TMEM87B: variants seen among roughly 807,000 people sequenced by gnomAD.
The protein encoded by TMEM87B is transmembrane protein 87B.
A neutral mutation model predicts 80.3 loss-of-function variants in TMEM87B; 83 were observed. That is an observed-to-expected ratio of 1.03 (90% CI 0.87 to 1.24). The LOEUF is 1.24. Among genes scored for constraint, TMEM87B ranks in the 50% most tolerant of loss-of-function variants. The pLI is 0.00. For missense variants in TMEM87B, 625 were observed against 674.4 expected (o/e 0.93, Z 0.81); for synonymous variants, 219 against 230.5 (o/e 0.95, Z 0.45).
At chr2:112,078,687 C>T (rs1240143573) in intron 6 of TMEM87B, among the ~76,000 whole-genome samples, 1 of 152,176 alleles carries the variant, frequency 6.6e-6, no homozygotes, top group East Asian at 1.9e-4. Flanking sequence ...AGTTTTGAGC[C>T]CCTGCTAATT....
chr2:112,098,958 G>T (rs538909578), intron 14 of TMEM87B, among the ~76,000 whole-genome samples: 1 of 152,212 alleles, frequency 6.6e-6, no homozygotes, highest in Non-Finnish European at 1.5e-5. Flanking sequence ...ATAGGATAGC[G>T]AATGACTGAA....
rs70962982 is a variant in TMEM87B, at chr2:112,076,842, TTGTGTGTGTGTGTGTGTG to T, written c.502-320_502-303del. 8.3e-3 allele frequency among the ~76,000 whole-genome samples: 1,157 copies of T among 139,252 alleles called. 14 individuals carry two copies. The highest frequency in any genetic ancestry group is 0.024 in the East Asian group (116 of 4,888). The allele number at this position is 139,252 out of a possible 152,430, so 91.4% of individuals were successfully genotyped here. ...CACTACCTGCCATTCCTTTTCTGTT[TTGTGTGTGTGTGTGTGTG>T]TGTGTGTGTGTGTGTGTGTGTGTGT... On this transcript the variant is annotated intron_variant, in intron 5 of 18. Coordinates refer to ENST00000283206, the MANE Select transcript of TMEM87B (RefSeq NM_032824.3).
chr2:112,079,164 G>A (rs944058751), intron 6 of TMEM87B, among the ~76,000 whole-genome samples: 1 of 152,078 alleles, frequency 6.6e-6, no homozygotes, highest in African/African-American at 2.4e-5. Flanking sequence ...GAAACATACA[G>A]TACTCTGTTA....
At chr2:112,073,142 C>T (rs1207732453) in intron 4 of TMEM87B, among the ~76,000 whole-genome samples, 5 of 152,010 alleles carry the variant, frequency 3.3e-5, no homozygotes. Context: ...TCAGATGATC[C>T]ACCCGCCTCA....
Position 112,117,341 on chromosome 2 carries a change from T to C in TMEM87B, c.*1198T>C, listed in dbSNP as rs1322109676. The C allele has an allele frequency of 3.3e-5, 5 of 152,208 alleles. No individual in the cohort carries two copies. Among genetic ancestry groups the C allele is most frequent in the Non-Finnish European group, 7.4e-5 (5 of 68,024 alleles). 9.4% of individuals were successfully genotyped at this position (152,208 alleles called of 1,614,324 possible). ...TTTGAAGGAGTTCTAACCTTGTAAA[T>C]TGAGAATGACTTCAGAGAATTTTGA... On this transcript the variant is annotated 3_prime_UTR_variant, in exon 19 of 19. Coordinates refer to ENST00000283206, the MANE Select transcript of TMEM87B (RefSeq NM_032824.3).
rs769257673 is a variant in TMEM87B at position 112,097,288 on chromosome 2, A to C, written c.1269A>C (p.Gln423His). Reference sequence around the variant, plus strand: ...AGACATTTAGAATTGCAAAATGCCAATCAGTAAGTATAACCTTCCTATTTA... The same window carrying C: ...AGACATTTAGAATTGCAAAATGCCACTCAGTAAGTATAACCTTCCTATTTA... ...TTKTFRIAKC[Q>H]SDWMERWVDD... Residue 423 changes from glutamine (Q) to histidine (H), a missense_variant, in exon 13 of 19, where the codon CAA becomes CAC. Gln to His is a conservative substitution (Grantham distance 24). Coordinates refer to ENST00000283206, the MANE Select transcript of TMEM87B (RefSeq NM_032824.3). 2.5e-6 allele frequency: 4 copies of C among 1,603,134 alleles called. No individual in the cohort carries two copies. The highest frequency in any genetic ancestry group is 2.6e-6 in the Non-Finnish European group (3 of 1,176,168).
intron 2 of TMEM87B, 138 bp downstream of exon 2, chr2:112,060,175 G>A (rs540234293): frequency 2.0e-4 from 204 of 1,006,118 alleles, no homozygotes; most frequent in East Asian, 1.3e-3. Context: ...GTGAAACCCC[G>A]TCTCTACTAA....
chr2:112,072,496 G>A (rs1387712687), intron 4 of TMEM87B, among the ~76,000 whole-genome samples: 1 of 152,216 alleles, frequency 6.6e-6, no homozygotes, highest in South Asian at 2.1e-4. Flanking sequence ...GTTTAGTCTT[G>A]GGAGGGTGTA....
At position 112,080,770 on chromosome 2, in the gene TMEM87B, C is replaced by T. The variant is rs563831026; in HGVS notation, c.593-287C>T. ...TTTGTCTATTTTTGCTTTTGTTGCC[C>T]GTGCTTTTGGGATCAAATCCAAAAA... On this transcript the variant is annotated intron_variant, in intron 6 of 18. Transcript: ENST00000283206. 3.2e-4 allele frequency among the ~76,000 whole-genome samples: 48 copies of T among 152,164 alleles called. 1 individual carries two copies. Among genetic ancestry groups the T allele is most frequent in the African/African-American group, 1.1e-3 (45 of 41,494 alleles).
intron 5 of TMEM87B, among the ~76,000 whole-genome samples, chr2:112,075,248 A>C (rs2104468796): frequency 6.6e-6 from 1 of 152,230 alleles, no homozygotes; most frequent in South Asian, 2.1e-4. Context: ...AAAAATACAA[A>C]AATTAGCCAG....
intron 16 of TMEM87B, 27 bp downstream of exon 16, chr2:112,106,102 T>C (rs765734453): frequency 3.5e-6 from 5 of 1,441,786 alleles, no homozygotes; most frequent in Non-Finnish European, 4.6e-6. Context: ...TTTAGTACAA[T>C]CTTAGTCTTC....
intron 16 of TMEM87B, 61 bp downstream of exon 16, chr2:112,106,136 G>C (rs1679759112): frequency 1.9e-6 from 2 of 1,050,104 alleles, no homozygotes; most frequent in South Asian, 4.6e-5. Flanking sequence ...ACTTTAGAGA[G>C]CTATACGAGT....
intron 4 of TMEM87B, among the ~76,000 whole-genome samples, chr2:112,073,563 T>C (rs1394340327): frequency 6.6e-6 from 1 of 152,128 alleles, no homozygotes; most frequent in Non-Finnish European, 1.5e-5. Context: ...ATGAGAAGAG[T>C]GTATATTCTA....
chr2:112,096,200 G>A (rs1196939117), intron 11 of TMEM87B, among the ~76,000 whole-genome samples: 1 of 151,950 alleles, frequency 6.6e-6, no homozygotes, highest in Non-Finnish European at 1.5e-5. Context: ...TCCACTGATC[G>A]ATCTGAACAA....
Position 112,055,578 on chromosome 2 carries a change from G to A in TMEM87B, c.-14G>A. On this transcript the variant is annotated 5_prime_UTR_variant, in exon 1 of 19. Coordinates refer to ENST00000283206, the MANE Select transcript of TMEM87B (RefSeq NM_032824.3). ...CAGGCGTCTCGGAGCGCCAGGTGCA[G>A]CTTCCTGGTCAAGATGGTCGCCGCC... 2 of 1,501,648 alleles carry A rather than the reference G, an allele frequency of 1.3e-6. No homozygotes were observed. Among genetic ancestry groups the A allele is most frequent in the Admixed American group, 2.1e-5 (1 of 47,446 alleles). The allele number at this position is 1,501,648 out of a possible 1,614,324, so 93.0% of individuals were successfully genotyped here. A position where few individuals can be genotyped will look rare whatever the true frequency, so the allele number is the denominator to read the frequency against.
intron 18 of TMEM87B, 98 bp from the exon 19 acceptor site, chr2:112,115,986 T>G (rs1680012283): frequency 1.2e-6 from 1 of 829,308 alleles, no homozygotes; most frequent in Non-Finnish European, 1.9e-6. Flanking sequence ...ATATATTTAG[T>G]TTCCCTAAAT....
intron 4 of TMEM87B, among the ~76,000 whole-genome samples, chr2:112,071,143 A>G (rs976570223): frequency 6.6e-6 from 1 of 151,100 alleles, no homozygotes; most frequent in Non-Finnish European, 1.5e-5. Context: ...ACATCTTTCC[A>G]TTTGTTTGTG....
At chr2:112,062,199 T>C (rs1006497244) in intron 2 of TMEM87B, among the ~76,000 whole-genome samples, 1 of 152,334 alleles carries the variant, frequency 6.6e-6, no homozygotes, top group East Asian at 1.9e-4. Flanking sequence ...GAGCCAGATT[T>C]TAGTGCTTGT....
chr2:112,055,756 C>T lies in TMEM87B; in HGVS notation c.165C>T (p.Asp55=). The change falls in exon 1 of 19, where the codon GAC becomes GAT. Residue 55 remains aspartate (D), a splice_region_variant and synonymous_variant. Transcript: ENST00000283206. Reference sequence around the variant, plus strand: ...GGCTCTGGTTAGAGACAGTCAACGACGTAAGTGGAGTGTCGGGACCCAGGC... The same window carrying T: ...GGCTCTGGTTAGAGACAGTCAACGATGTAAGTGGAGTGTCGGGACCCAGGC... ...ELGLWLETVN[D]KSGPLIFRKT... is the part of the protein sequence containing the mutation. 1.4e-6 allele frequency: 2 copies of T among 1,479,222 alleles called. No individual in the cohort carries two copies. The highest frequency in any genetic ancestry group is 5.4e-5 in the East Asian group (2 of 37,324). 91.6% of individuals were successfully genotyped at this position (1,479,222 alleles called of 1,614,324 possible).
Sources: gnomAD v4.1 joint callset for allele counts (sites outside exome capture counted in the v4.1 genomes callset) on GRCh38, gnomAD v4.1.1 for gene constraint, MANE v1.5 for transcripts, NCBI Gene and HGNC (gene_info 2026-07-23, HGNC 2026-07-21) for gene names.